SLC31A1: variants seen among roughly 807,000 people sequenced by gnomAD.
SLC31A1 encodes high affinity copper uptake protein 1.
In SLC31A1, 5 loss-of-function variants were observed where a neutral mutation model predicts 17.2. The ratio of observed to expected loss-of-function variants is 0.29; its 90% confidence interval spans 0.15 to 0.61. The LOEUF is 0.61. Among genes scored for constraint, SLC31A1 ranks in the 20% least tolerant of loss-of-function variants. The pLI is 0.86. For missense variants in SLC31A1, 161 were observed against 241.4 expected (o/e 0.67, Z 2.21); for synonymous variants, 76 against 78.8 (o/e 0.96, Z 0.19).
intron 1 of SLC31A1, chr9:113,223,292 CT>C: frequency 2.2e-6 from 1 of 444,712 alleles, no homozygotes; most frequent in Non-Finnish European, 4.5e-6. Flanking sequence ...GATGGTGAGT[CT>C]TGCCAGGCTT....
At chr9:113,233,236 T>G (rs1373694644) in intron 1 of SLC31A1, among the ~76,000 whole-genome samples, 1 of 152,242 alleles carries the variant, frequency 6.6e-6, no homozygotes, top group Non-Finnish European at 1.5e-5. Context: ...AACCAGTAGG[T>G]ACAGTTTTAC....
rs950791745 is a variant in SLC31A1 at position 113,263,632 on chromosome 9, A to G, written c.*3159A>G. 4 of 152,636 alleles carry G rather than the reference A, an allele frequency of 2.6e-5. No homozygotes were observed. Among genetic ancestry groups the G allele is most frequent in the Non-Finnish European group, 5.9e-5 (4 of 68,058 alleles). The allele number at this position is 152,636 out of a possible 1,614,324, so 9.5% of individuals were successfully genotyped here. On this transcript the variant is annotated 3_prime_UTR_variant, in exon 5 of 5. Coordinates refer to ENST00000374212, the MANE Select transcript of SLC31A1 (RefSeq NM_001859.4). ...CAGTAGACAGTGCTATGCTGTGGATATAATACCAACCAGAAATTGGCATTT... is the reference window on the plus strand; with the variant it reads ...CAGTAGACAGTGCTATGCTGTGGATGTAATACCAACCAGAAATTGGCATTT...
At chr9:113,243,416 C>G (rs1397924294) in intron 1 of SLC31A1, among the ~76,000 whole-genome samples, 3 of 152,206 alleles carry the variant, frequency 2.0e-5, no homozygotes, top group East Asian at 3.9e-4. Flanking sequence ...TCACTTTTTC[C>G]AGGATTTGTC....
At chr9:113,256,958 TGGTA>T (rs1051987444) in intron 2 of SLC31A1, among the ~76,000 whole-genome samples, 151 bp from the exon 3 acceptor site, 1 of 151,406 alleles carries the variant, frequency 6.6e-6, no homozygotes, top group African/African-American at 2.4e-5. Flanking sequence ...GTGCCTGTGG[TGGTA>T]ACGCTAACAT....
chr9:113,243,809 T>A (rs184767057), intron 1 of SLC31A1, among the ~76,000 whole-genome samples: 1 of 152,154 alleles, frequency 6.6e-6, no homozygotes, highest in African/African-American at 2.4e-5. Flanking sequence ...TGAGTTATCG[T>A]CCCTTTTTGC....
At position 113,258,974 on chromosome 9, in the gene SLC31A1, A is replaced by G. The variant is rs1490884316; in HGVS notation, c.371+112A>G. The G allele has an allele frequency of 8.8e-7, 1 of 1,136,780 alleles. No homozygotes were observed. Among genetic ancestry groups the G allele is most frequent in the African/African-American group, 1.5e-5 (1 of 65,744 alleles). 70.4% of individuals were successfully genotyped at this position (1,136,780 alleles called of 1,614,324 possible). On this transcript the variant is annotated intron_variant, in intron 4 of 4. Transcript: ENST00000374212. This position sits in a 1 kb window ranked among gnomAD's most constrained non-coding sequence, Gnocchi z 4.8. Reference sequence around the variant, plus strand: ...CTTCTTGAGTTAGGAGTTCTGTATGACCTTGATCAAAACTGTCCTTGGAGG... The same window carrying G: ...CTTCTTGAGTTAGGAGTTCTGTATGGCCTTGATCAAAACTGTCCTTGGAGG...
At chr9:113,245,439 C>T (rs1358788374) in intron 1 of SLC31A1, among the ~76,000 whole-genome samples, 2 of 152,092 alleles carry the variant, frequency 1.3e-5, no homozygotes, top group Non-Finnish European at 2.9e-5. Flanking sequence ...ACTTTGTGAG[C>T]CATCGCACCC....
intron 1 of SLC31A1, among the ~76,000 whole-genome samples, chr9:113,230,284 C>T (rs1041074052): frequency 5.3e-5 from 8 of 152,166 alleles, no homozygotes; most frequent in African/African-American, 1.4e-4. Context: ...AGTGCGGTGG[C>T]GCGATCTCAG....
At chr9:113,256,090 A>G in intron 1 of SLC31A1, 24 bp from the exon 2 acceptor site, 1 of 1,491,058 alleles carries the variant, frequency 6.7e-7, no homozygotes, top group Non-Finnish European at 9.2e-7. Flanking sequence ...TTAAATTATT[A>G]TATATAATTC....
chr9:113,249,196 C>T (rs116786854), intron 1 of SLC31A1, among the ~76,000 whole-genome samples: 8,963 of 151,080 alleles, frequency 0.059, 307 homozygotes, highest in African/African-American at 0.08. Context: ...CCTGTCACTC[C>T]GTTATTCTAA....
Position 113,221,579 on chromosome 9 carries a change from G to T in SLC31A1, c.-135G>T, listed in dbSNP as rs1237706219. 1.8e-5 allele frequency: 8 copies of T among 434,676 alleles called. No individual in the cohort carries two copies. Among genetic ancestry groups the T allele is most frequent in the Non-Finnish European group, 3.5e-5 (8 of 231,264 alleles). 26.9% of individuals were successfully genotyped at this position (434,676 alleles called of 1,614,324 possible). ...CCTCGGTGGCGGTGGTGGACACGTCGAGCCGGGTAGAAGTGGAGGGGCCGT... is the reference window on the plus strand; with the variant it reads ...CCTCGGTGGCGGTGGTGGACACGTCTAGCCGGGTAGAAGTGGAGGGGCCGT... On this transcript the variant is annotated 5_prime_UTR_variant, in exon 1 of 5. Coordinates refer to ENST00000374212, the MANE Select transcript of SLC31A1 (RefSeq NM_001859.4).
chr9:113,263,702 A>C lies in SLC31A1; in HGVS notation c.*3229A>C, dbSNP rs41280229. On this transcript the variant is annotated 3_prime_UTR_variant, in exon 5 of 5. Transcript: ENST00000374212. ...TTAAGCATGCTTCAAGAGGCAGTTG[A>C]CCCACTGGAATTTCTATAAGGCTGG... is the stretch of plus-strand genomic sequence containing the variant. 27,232 of 152,538 alleles carry C rather than the reference A, an allele frequency of 0.18. 2,876 individuals carry two copies. The highest frequency in any genetic ancestry group is 0.24 in the Non-Finnish European group (16,425 of 67,978). 9.4% of individuals were successfully genotyped at this position (152,538 alleles called of 1,614,324 possible).
chr9:113,256,691 C>A, intron 2 of SLC31A1: 1 of 282,126 alleles, frequency 3.5e-6, no homozygotes, highest in Non-Finnish European at 6.8e-6. Flanking sequence ...GAAACCCCAT[C>A]TCTACTAAAA....
chr9:113,233,849 T>C (rs1302437991), intron 1 of SLC31A1, among the ~76,000 whole-genome samples: 3 of 152,240 alleles, frequency 2.0e-5, no homozygotes, highest in Admixed American at 2.0e-4. Flanking sequence ...AATTGCACAA[T>C]GTATAATGAT....
chr9:113,230,687 ATCATT>A (rs1278655112), intron 1 of SLC31A1, among the ~76,000 whole-genome samples: 1 of 152,230 alleles, frequency 6.6e-6, no homozygotes, highest in Non-Finnish European at 1.5e-5. Context: ...TCAAACATTT[ATCATT>A]TCTTTATGGT....
intron 1 of SLC31A1, among the ~76,000 whole-genome samples, chr9:113,242,342 A>G (rs1831531141): frequency 6.6e-6 from 1 of 152,226 alleles, no homozygotes; most frequent in Non-Finnish European, 1.5e-5. Flanking sequence ...ACTTTTGGCC[A>G]TTGGACTTGT....
At chr9:113,230,320 C>G (rs1831387880) in intron 1 of SLC31A1, among the ~76,000 whole-genome samples, 1 of 152,226 alleles carries the variant, frequency 6.6e-6, no homozygotes, top group Non-Finnish European at 1.5e-5. Context: ...ACCTCCCTGG[C>G]TCAGGCTATC....
At chr9:113,225,482 C>T (rs1461731827) in intron 1 of SLC31A1, among the ~76,000 whole-genome samples, 3 of 152,122 alleles carry the variant, frequency 2.0e-5, no homozygotes, top group Non-Finnish European at 4.4e-5. Context: ...TGTCAGTAGC[C>T]ACTTCATTTT....
Position 113,240,868 on chromosome 9 carries a change from G to T in SLC31A1, c.-35-15246G>T, listed in dbSNP as rs1831513776. On this transcript the variant is annotated intron_variant, in intron 1 of 4. Transcript: ENST00000374212. ...AGTTTGAGACCAGCCTGGCCAACATGGTGAAACCCCATCTCTACTAAAAAT... is the reference window on the plus strand; with the variant it reads ...AGTTTGAGACCAGCCTGGCCAACATTGTGAAACCCCATCTCTACTAAAAAT... 2.0e-5 allele frequency among the ~76,000 whole-genome samples: 3 copies of T among 152,058 alleles called. No homozygotes were observed. The South Asian group carries it at 6.2e-4, about 32-fold the overall frequency.
Sources: allele counts gnomAD v4.1 joint callset (sites outside exome capture counted in the v4.1 genomes callset), GRCh38; gene constraint gnomAD v4.1.1; non-coding constraint Gnocchi (gnomAD v3.1); transcripts MANE v1.5; gene names NCBI Gene and HGNC (gene_info 2026-07-23, HGNC 2026-07-21).